ROR2: variants seen among roughly 807,000 people sequenced by gnomAD.
The protein encoded by ROR2 is ROR family WNT receptor 2, also known as tyrosine-protein kinase transmembrane receptor ROR2.
Under a neutral mutation model 74.9 loss-of-function variants are expected in ROR2, and 33 were observed. The ratio of observed to expected loss-of-function variants is 0.44; its 90% CI spans 0.33 to 0.59. ROR2 has a LOEUF of 0.59. ROR2 is among the 20% of genes least tolerant of loss of function. The pLI, the probability that ROR2 is intolerant of heterozygous loss-of-function variation, is 0.02. For missense variants in ROR2, 1,216 were observed against 1,313.8 expected, an observed-to-expected ratio of 0.93 and a Z score of 1.15; for synonymous variants, 586 against 558.7, an observed-to-expected ratio of 1.05 and a Z score of -0.69.
At chr9:91,849,161 T>C (rs546205639) in intron 1 of ROR2, among the ~76,000 whole-genome samples, 6 of 152,284 alleles carry the variant, frequency 3.9e-5, no homozygotes, top group East Asian at 1.9e-4. Context: ...CCAAACCCTT[T>C]CTTGAGTGGT....
intron 1 of ROR2, among the ~76,000 whole-genome samples, chr9:91,946,394 A>T (rs12344469): frequency 0.12 from 18,044 of 152,220 alleles, 2,107 homozygotes; most frequent in African/African-American, 0.31. Flanking sequence ...CTCAAGGTAA[A>T]CCCAAAATTG....
intron 1 of ROR2, among the ~76,000 whole-genome samples, chr9:91,795,657 C>A (rs1347829586): frequency 6.6e-6 from 1 of 152,078 alleles, no homozygotes; most frequent in African/African-American, 2.4e-5. Flanking sequence ...TGTTTCCGAG[C>A]TTTTCCTTGA....
At chr9:91,845,877 CAAAAAAAA>C (rs5899143) in intron 1 of ROR2, among the ~76,000 whole-genome samples, 1,716 of 33,730 alleles carry the variant, frequency 0.051, 37 homozygotes, top group African/African-American at 0.12. Flanking sequence ...GAATCCATCT[CAAAAAAAA>C]AAAAAAAAAA....
rs1472320165 is a variant in ROR2, at chr9:91,758,540, G to A, written c.176-981C>T. Among the ~76,000 whole-genome samples, 10 of 152,344 alleles carry A rather than the reference G, an allele frequency of 6.6e-5. No individual in the cohort carries two copies. The East Asian group carries it at 1.9e-3, about 29-fold the overall frequency. The stretch of plus-strand genomic sequence containing the variant: ...CTGATGAGGGGGAGCTGAAGGCTTT[G>A]TCCTGCTGCACCCAGGTCCAGAGCA... On this transcript the variant is annotated intron_variant, in intron 2 of 8. Transcript: ENST00000375708.
Position 91,735,606 on chromosome 9 carries a change from C to CTTTTTTTTTTTTTTTTTTTTTT in ROR2, c.622+1763_622+1784dup, listed in dbSNP as rs35146225. 2.9e-4 allele frequency among the ~76,000 whole-genome samples: 23 copies of CTTTTTTTTTTTTTTTTTTTTTT among 79,012 alleles called. 1 individual carries two copies. The highest frequency in any genetic ancestry group is 5.1e-4 in the South Asian group (1 of 1,948). 51.8% of individuals were successfully genotyped at this position (79,012 alleles called of 152,430 possible). On this transcript the variant is annotated intron_variant, in intron 5 of 8. Coordinates refer to ENST00000375708, the MANE Select transcript of ROR2 (RefSeq NM_004560.4). ...GCACGGTTCCTACTAAGGGCTCTAA[C>CTTTTTTTTTTTTTTTTTTTTTT]TTTTTTTTTTTTTTTTTTTTTTTTT...
intron 4 of ROR2, among the ~76,000 whole-genome samples, chr9:91,738,193 A>C (rs763334540): frequency 5.3e-5 from 8 of 152,252 alleles, no homozygotes; most frequent in Non-Finnish European, 1.0e-4. Flanking sequence ...CTCAGCAGCA[A>C]TAAATGTCTC....
chr9:91,742,507 T>C (rs1825286913), intron 4 of ROR2, among the ~76,000 whole-genome samples: 1 of 152,194 alleles, frequency 6.6e-6, no homozygotes, highest in East Asian at 1.9e-4. Context: ...ACAGGAAGCC[T>C]AGAACTGAAA....
intron 1 of ROR2, among the ~76,000 whole-genome samples, chr9:91,916,962 G>A (rs888697041): frequency 1.3e-5 from 2 of 151,840 alleles, no homozygotes; most frequent in African/African-American, 4.8e-5. Flanking sequence ...CCCCACAGAC[G>A]CTCTGCTTTT....
intron 1 of ROR2, chr9:91,948,620 G>A (rs918065623): frequency 2.0e-6 from 2 of 985,492 alleles, no homozygotes; most frequent in Non-Finnish European, 2.4e-6. Flanking sequence ...GGGCCGGCTA[G>A]GGCGGCAGGC....
chr9:91,790,268 G>A (rs968790517), intron 1 of ROR2, among the ~76,000 whole-genome samples: 4 of 151,898 alleles, frequency 2.6e-5, no homozygotes, highest in African/African-American at 9.7e-5. Context: ...TTGGGAGGCC[G>A]AGGAGGGCAG....
chr9:91,866,558 C>T (rs201374742), intron 1 of ROR2, among the ~76,000 whole-genome samples: 9 of 151,676 alleles, frequency 5.9e-5, no homozygotes, highest in African/African-American at 1.9e-4. Flanking sequence ...GCTGGGATTA[C>T]AGCTGCGCCA....
rs1433498990 is a variant in ROR2, at chr9:91,724,459, C to T, written c.2035G>A (p.Gly679Ser). The T allele has an allele frequency of 5.0e-6, 8 of 1,614,192 alleles. No individual in the cohort carries two copies. Among genetic ancestry groups the T allele is most frequent in the South Asian group, 1.1e-5 (1 of 91,088 alleles). ...FSIDSDIWSY[G>S]VVLWEVFSYG... ...CTGAAGACCTCCCACAGGACCACAC[C>T]GTAGGACCAGATGTCTGAGTCGATG... Residue 679 changes from glycine to serine, a missense_variant, in exon 9 of 9, where the codon GGT becomes AGT. Physicochemically the swap from Gly to Ser is moderately conservative, Grantham distance 56. Coordinates refer to ENST00000375708, the MANE Select transcript of ROR2 (RefSeq NM_004560.4).
intron 1 of ROR2, among the ~76,000 whole-genome samples, chr9:91,827,412 GTAAA>G (rs1307380859): frequency 6.6e-6 from 1 of 152,032 alleles, no homozygotes; most frequent in East Asian, 1.9e-4. Flanking sequence ...ACCCCAACTC[GTAAA>G]TAAATAAATA....
intron 2 of ROR2, among the ~76,000 whole-genome samples, chr9:91,759,677 C>G (rs150512331): frequency 9.5e-4 from 144 of 152,288 alleles, no homozygotes; most frequent in African/African-American, 3.2e-3. Flanking sequence ...CCCAGCATAT[C>G]ATTTCACTGT....
intron 1 of ROR2, among the ~76,000 whole-genome samples, chr9:91,899,082 T>C (rs1260773127): frequency 6.6e-6 from 1 of 152,178 alleles, no homozygotes; most frequent in Non-Finnish European, 1.5e-5. Flanking sequence ...CGCCAAGAGC[T>C]GCCTGAGCCC....
chr9:91,887,960 T>G (rs1283885140), intron 1 of ROR2, among the ~76,000 whole-genome samples: 3 of 151,804 alleles, frequency 2.0e-5, no homozygotes, highest in Admixed American at 2.0e-4. Context: ...CCCAGCTAAT[T>G]TTTGTATTTT....
chr9:91,925,758 C>A (rs1302423863), intron 1 of ROR2, among the ~76,000 whole-genome samples: 1 of 152,192 alleles, frequency 6.6e-6, no homozygotes. Flanking sequence ...AACTCGCTCA[C>A]TCTACCCTTT....
intron 1 of ROR2, among the ~76,000 whole-genome samples, chr9:91,825,760 G>A (rs998524231): frequency 6.6e-6 from 1 of 152,082 alleles, no homozygotes; most frequent in Non-Finnish European, 1.5e-5. Context: ...AAAAAGTGGG[G>A]GAGGGTAGGA....
chr9:91,828,755 T>C (rs1053466975), intron 1 of ROR2, among the ~76,000 whole-genome samples: 1 of 152,168 alleles, frequency 6.6e-6, no homozygotes, highest in Non-Finnish European at 1.5e-5. Context: ...TTAAAAATAG[T>C]AATTGCATCT....
Sources: gnomAD v4.1 joint callset for allele counts (sites outside exome capture counted in the v4.1 genomes callset) on GRCh38, gnomAD v4.1.1 for gene constraint, MANE v1.5 for transcripts, NCBI Gene and HGNC (gene_info 2026-07-23, HGNC 2026-07-21) for gene names.